NCAPD2: variants seen among roughly 807,000 people sequenced by gnomAD.
NCAPD2 encodes non-SMC condensin I complex subunit D2.
NCAPD2 carries 100 observed loss-of-function variants against 164.5 expected under a neutral mutation model. That is an observed-to-expected ratio of 0.61 (90% CI 0.52 to 0.72). NCAPD2 has a LOEUF of 0.72. NCAPD2 is among the 30% of genes least tolerant of loss of function. NCAPD2 has a pLI of 0.00. For synonymous variants in NCAPD2, 585 were observed against 642.6 expected, an observed-to-expected ratio of 0.91 and a Z score of 1.36; for missense variants, 1,560 against 1,749.2, an observed-to-expected ratio of 0.89 and a Z score of 1.93.
chr12:6,528,248 T>C lies in NCAPD2; in HGVS notation c.3219T>C (p.Ser1073=), dbSNP rs1946334420. The change falls in exon 25 of 32, where the codon TCT becomes TCC. Residue 1073 remains serine (S), a synonymous_variant. Transcript: ENST00000315579. This position sits in a 1 kb window ranked among gnomAD's most constrained non-coding sequence, Gnocchi z 5.1. ...AGTCTCCACTTCCCATTGTCCGGTC[T>C]AACCTCATGGTTGCCACTGGGGATC... is the stretch of plus-strand genomic sequence containing the variant. ...LEKSPLPIVR[S]NLMVATGDLA... 1 of 1,614,106 alleles carries C rather than the reference T, an allele frequency of 6.2e-7. No homozygotes were observed. The highest frequency in any genetic ancestry group is 8.5e-7 in the Non-Finnish European group (1 of 1,180,038).
In NCAPD2 at chr12:6,495,123, C is replaced by T; in HGVS notation, c.25C>T (p.His9Tyr). Reference protein sequence around the residue: MAPQMYEFHLPLSPEELLK... With the variant: MAPQMYEFYLPLSPEELLK... ...AATGGCTCCCCAAATGTATGAGTTCCATCTGCCATTATCCCCAGAGGAGTT... is the reference window on the plus strand; with the variant it reads ...AATGGCTCCCCAAATGTATGAGTTCTATCTGCCATTATCCCCAGAGGAGTT... The change falls in exon 2 of 32, where the codon CAT (histidine) becomes TAT (tyrosine). Residue 9 changes from histidine to tyrosine, a missense_variant. Transcript: ENST00000315579. 6.2e-7 allele frequency: 1 copy of T among 1,614,126 alleles called. No individual in the cohort carries two copies. Among genetic ancestry groups the T allele is most frequent in the Non-Finnish European group, 8.5e-7 (1 of 1,180,010 alleles).
At position 6,505,596 on chromosome 12, in the gene NCAPD2, T is replaced by C. The variant is rs140731864; in HGVS notation, c.128-4121T>C. ...GCTCGCGCCTGTAATTCTAGCACTT[T>C]GGGAGGCCTAGGCAGGTGGATCACC... On this transcript the variant is annotated intron_variant, in intron 2 of 31. Transcript: ENST00000315579. Among the ~76,000 whole-genome samples, 145 of 152,256 alleles carry C rather than the reference T, an allele frequency of 9.5e-4. 1 individual carries two copies. The highest frequency in any genetic ancestry group is 3.3e-3 in the African/African-American group (137 of 41,564).
intron 14 of NCAPD2, among the ~76,000 whole-genome samples, 170 bp from the exon 15 acceptor site, chr12:6,521,628 C>T (rs922706170): frequency 6.6e-6 from 1 of 152,146 alleles, no homozygotes; most frequent in Non-Finnish European, 1.5e-5. Flanking sequence ...GTTGAGGCTG[C>T]AGTGAGCGGT....
chr12:6,526,308 C>G lies in NCAPD2; in HGVS notation c.2503C>G (p.Pro835Ala). ...ACAGCCTTCTCTGGGCAAACGTCAC[C>G]CCCCCTTCCGGCTGCCTCAGGAACA... ...RRKPSLGKRH[P>A]PFRLPQEHRL... Residue 835 changes from proline (P) to alanine (A), a missense_variant, in exon 20 of 32, where the codon CCC (proline) becomes GCC (alanine). Physicochemically the swap from Pro to Ala is conservative, Grantham distance 27. Coordinates refer to ENST00000315579, the MANE Select transcript of NCAPD2 (RefSeq NM_014865.4). 6.2e-7 allele frequency: 1 copy of G among 1,614,178 alleles called. No homozygotes were observed. Among genetic ancestry groups the G allele is most frequent in the Non-Finnish European group, 8.5e-7 (1 of 1,180,026 alleles).
chr12:6,515,379 C>T (rs899286227), intron 9 of NCAPD2, among the ~76,000 whole-genome samples: 6 of 151,950 alleles, frequency 3.9e-5, no homozygotes, highest in Non-Finnish European at 8.8e-5. Context: ...GAGGTGGGGT[C>T]TTGCCATATT....
At chr12:6,504,206 T>TACATATATATATACATATATAC (rs1345172579) in intron 2 of NCAPD2, among the ~76,000 whole-genome samples, 44 of 25,104 alleles carry the variant, frequency 1.8e-3, no homozygotes, top group African/African-American at 0.015. Flanking sequence ...TATATATATA[T>TACATATATATATACATATATAC]ATATATATAT....
At chr12:6,510,865 G>A in intron 5 of NCAPD2, 55 bp downstream of exon 5, 1 of 1,560,146 alleles carries the variant, frequency 6.4e-7, no homozygotes, top group Non-Finnish European at 8.7e-7. Context: ...TAGGGGAATA[G>A]ATGGAAAAGA....
intron 29 of NCAPD2, 114 bp from the exon 30 acceptor site, chr12:6,530,577 C>T: frequency 7.4e-7 from 1 of 1,358,760 alleles, no homozygotes; most frequent in Non-Finnish European, 1.0e-6. Flanking sequence ...GCCTTCTCAC[C>T]TTGGCTTCTT....
chr12:6,521,064 G>T lies in NCAPD2; in HGVS notation c.1668G>T (p.Glu556Asp). ...CCTTCAGTCATATAGACCCAGAGGA[G>T]TCAGAGGAGACCAGGCTCTTGAATA... is the stretch of plus-strand genomic sequence containing the variant. ...SEPFSHIDPEESEETRLLNIL... is the reference protein window; with the variant it reads ...SEPFSHIDPEDSEETRLLNIL... Residue 556 changes from glutamate (E) to aspartate (D), a missense_variant, in exon 14 of 32, where the codon GAG becomes GAT. Coordinates refer to ENST00000315579, the MANE Select transcript of NCAPD2 (RefSeq NM_014865.4). The T allele has an allele frequency of 6.2e-7, 1 of 1,614,194 alleles. No homozygotes were observed.
chr12:6,518,164 A>T, intron 13 of NCAPD2: 1 of 464,898 alleles, frequency 2.2e-6, no homozygotes, highest in Non-Finnish European at 3.8e-6. Context: ...GTTTAAAAAA[A>T]CTACTGAAAC....
intron 2 of NCAPD2, among the ~76,000 whole-genome samples, chr12:6,497,857 TC>T (rs1262561713): frequency 6.6e-6 from 1 of 151,894 alleles, no homozygotes; most frequent in Non-Finnish European, 1.5e-5. Context: ...GACCTGATGA[TC>T]CACCCGCCTC....
In NCAPD2 at chr12:6,525,441, A is replaced by G; in HGVS notation, c.2215-142A>G. Reference sequence around the variant, plus strand: ...AAAGCCTCTCAAGACCCTGCTGTACATTTTGAACCTCCTCTTTTCTTTTTC... The same window carrying G: ...AAAGCCTCTCAAGACCCTGCTGTACGTTTTGAACCTCCTCTTTTCTTTTTC... On this transcript the variant is annotated intron_variant, in intron 17 of 31. Transcript: ENST00000315579. The G allele has an allele frequency of 4.2e-6, 4 of 948,150 alleles. No homozygotes were observed. In the South Asian group the frequency reaches 6.9e-5, roughly 16 times the overall value. The allele number at this position is 948,150 out of a possible 1,614,324, so 58.7% of individuals were successfully genotyped here. A position where few individuals can be genotyped will look rare whatever the true frequency, so the allele number is the denominator to read the frequency against.
chr12:6,500,397 G>T (rs1946024218), intron 2 of NCAPD2, among the ~76,000 whole-genome samples: 1 of 152,210 alleles, frequency 6.6e-6, no homozygotes, highest in Non-Finnish European at 1.5e-5. Flanking sequence ...TATGCAGATT[G>T]TTAGGGAAGA....
intron 10 of NCAPD2, 70 bp downstream of exon 10, chr12:6,517,095 T>C (rs1946209435): frequency 6.5e-7 from 1 of 1,541,216 alleles, no homozygotes; most frequent in Non-Finnish European, 9.0e-7. Context: ...GAATCCAGTG[T>C]TGAAGATAAA....
chr12:6,503,769 TA>T (rs1201001718), intron 2 of NCAPD2, among the ~76,000 whole-genome samples: 1 of 100,150 alleles, frequency 1.0e-5, no homozygotes, highest in Non-Finnish European at 2.1e-5. Context: ...AGACTCCATC[TA>T]TTTTTTTTTT....
chr12:6,505,358 G>A (rs1220153714), intron 2 of NCAPD2, among the ~76,000 whole-genome samples: 1 of 152,180 alleles, frequency 6.6e-6, no homozygotes, highest in Non-Finnish European at 1.5e-5. Flanking sequence ...GAGCCAGCGT[G>A]CCCGGTCTGC....
intron 20 of NCAPD2, 32 bp from the exon 21 acceptor site, chr12:6,526,416 G>T: frequency 6.2e-7 from 1 of 1,614,152 alleles, no homozygotes; most frequent in Non-Finnish European, 8.5e-7. Context: ...GCCCTTTGTT[G>T]CAGTAAACAA....
Position 6,514,842 on chromosome 12 carries a change from C to T in NCAPD2, c.909C>T (p.Phe303=), listed in dbSNP as rs1946184250. ...CAGGGACAAAGGGCTTTGCAGCATT[C>T]CTGACAGAACTAGCAGAACGTGTCC... is the stretch of plus-strand genomic sequence containing the variant. ...DPSGTKGFAA[F]LTELAERVPA... Residue 303 remains phenylalanine (F), a synonymous_variant, in exon 9 of 32, where the codon TTC becomes TTT. Transcript: ENST00000315579. 6.2e-7 allele frequency: 1 copy of T among 1,614,200 alleles called. No individual in the cohort carries two copies. The highest frequency in any genetic ancestry group is 1.1e-5 in the South Asian group (1 of 91,086).
At chr12:6,516,242 G>A (rs1322506634) in intron 9 of NCAPD2, among the ~76,000 whole-genome samples, 6 of 151,196 alleles carry the variant, frequency 4.0e-5, no homozygotes, top group Non-Finnish European at 8.8e-5. Flanking sequence ...GGTGGCTCAC[G>A]CCTATAATCT....
Sources: gnomAD v4.1 joint callset for allele counts (sites outside exome capture counted in the v4.1 genomes callset) on GRCh38, gnomAD v4.1.1 for gene constraint, Gnocchi (gnomAD v3.1) non-coding constraint, MANE v1.5 for transcripts, NCBI Gene and HGNC (gene_info 2026-07-23, HGNC 2026-07-21) for gene names.